IFIT1B: variants seen among roughly 807,000 people sequenced by gnomAD.
IFIT1B encodes protein IFIT1 homolog B.
IFIT1B carries 3 observed loss-of-function variants against 2.5 expected under a neutral mutation model. The observed-to-expected ratio is 1.21, with a 90% CI of 0.55 to 3.14. The LOEUF (loss-of-function observed/expected upper bound fraction) is 3.14, where lower values mean the gene tolerates loss of function less well. IFIT1B is among the 30% of genes most tolerant of loss of function. IFIT1B has a pLI of 0.03. For synonymous variants in IFIT1B, 196 were observed against 203.0 expected (o/e 0.97, Z 0.29); for missense variants, 545 against 556.5 (o/e 0.98, Z 0.21).
At chr10:89,383,272 A>T (rs1564804110) in intron 1 of IFIT1B, 47 bp from the exon 2 acceptor site, 1 of 1,508,424 alleles carries the variant, frequency 6.6e-7, no homozygotes, top group Non-Finnish European at 9.1e-7. Flanking sequence ...TTTTCAGTGG[A>T]CTGAATACTT....
At chr10:89,381,237 G>A (rs1277931456) in intron 1 of IFIT1B, among the ~76,000 whole-genome samples, 1 of 152,152 alleles carries the variant, frequency 6.6e-6, no homozygotes, top group African/African-American at 2.4e-5. Context: ...CCTGGGTAGT[G>A]TCTGTTCTCA....
intron 1 of IFIT1B, among the ~76,000 whole-genome samples, chr10:89,381,734 A>G (rs1355027181): frequency 1.3e-5 from 2 of 151,988 alleles, no homozygotes; most frequent in East Asian, 3.8e-4. Flanking sequence ...GGTGCTATTC[A>G]TTATCTTGTG....
intron 1 of IFIT1B, among the ~76,000 whole-genome samples, chr10:89,382,483 T>G (rs895118118): frequency 1.3e-5 from 2 of 152,222 alleles, no homozygotes; most frequent in African/African-American, 4.8e-5. Flanking sequence ...TCCCACTGAC[T>G]TCATATTATT....
chr10:89,384,981 A>AT lies in IFIT1B; in HGVS notation c.*244dup, dbSNP rs1268602542. ...TGAAAGTATCATCCCTCCTGATGGAATGGTAAAGCAATCTTTCTTGGAACA... is the reference window on the plus strand; with the variant it reads ...TGAAAGTATCATCCCTCCTGATGGAATTGGTAAAGCAATCTTTCTTGGAACA... On this transcript the variant is annotated 3_prime_UTR_variant, in exon 2 of 2. Coordinates refer to ENST00000371809, the MANE Select transcript of IFIT1B (RefSeq NM_001010987.2). 1 of 462,252 alleles carries AT rather than the reference A, an allele frequency of 2.2e-6. No homozygotes were observed. The highest frequency in any genetic ancestry group is 1.9e-5 in the African/African-American group (1 of 51,502). 28.6% of individuals were successfully genotyped at this position (462,252 alleles called of 1,614,324 possible).
In IFIT1B at chr10:89,384,988, A is replaced by C. The variant is rs1490737744; in HGVS notation, c.*250A>C. ...ATCATCCCTCCTGATGGAATGGTAA[A>C]GCAATCTTTCTTGGAACATAGCAAG... On this transcript the variant is annotated 3_prime_UTR_variant, in exon 2 of 2. Transcript: ENST00000371809. The C allele has an allele frequency of 8.9e-6, 4 of 449,552 alleles. No homozygotes were observed. The highest frequency in any genetic ancestry group is 1.6e-5 in the Non-Finnish European group (4 of 252,378). The allele number at this position is 449,552 out of a possible 1,614,324, so 27.8% of individuals were successfully genotyped here.
intron 1 of IFIT1B, among the ~76,000 whole-genome samples, chr10:89,382,922 G>A (rs1844173938): frequency 6.6e-6 from 1 of 152,206 alleles, no homozygotes; most frequent in African/African-American, 2.4e-5. Flanking sequence ...AGATGAGTAA[G>A]GAACCCACCT....
intron 1 of IFIT1B, among the ~76,000 whole-genome samples, chr10:89,378,828 C>G: frequency 6.6e-6 from 1 of 152,166 alleles, no homozygotes; most frequent in Non-Finnish European, 1.5e-5. Context: ...AGCAGCAATG[C>G]TCTTAAGGAA....
rs1203859939 is a variant in IFIT1B, at chr10:89,384,433, G to C, written c.1120G>C (p.Asp374His). 6.2e-7 allele frequency: 1 copy of C among 1,614,094 alleles called. No homozygotes were observed. The highest frequency in any genetic ancestry group is 1.3e-5 in the African/African-American group (1 of 74,950). ...AGGGTTACGCATGAAGATCTTTGAA[G>C]ATCAGCTAAAGCAAGAGATTCATTA... ...QKGLRMKIFE[D>H]QLKQEIHYHY... Residue 374 changes from aspartate to histidine, a missense_variant, in exon 2 of 2, where the codon GAT becomes CAT. Transcript: ENST00000371809.
At position 89,383,499 on chromosome 10, in the gene IFIT1B, A is replaced by G; in HGVS notation, c.186A>G (p.Lys62=). The stretch of plus-strand genomic sequence containing the variant: ...TACACAACCTACTAGCCTATGTGAA[A>G]CACCTGAAAGGCCAGAATGAGGAAG... The part of the protein sequence containing the change: ...VGIHNLLAYV[K]HLKGQNEEAL... Residue 62 remains lysine, a synonymous_variant, in exon 2 of 2, where the codon AAA becomes AAG. Transcript: ENST00000371809. 2 of 1,614,210 alleles carry G rather than the reference A, an allele frequency of 1.2e-6. No homozygotes were observed. The highest frequency in any genetic ancestry group is 8.5e-7 in the Non-Finnish European group (1 of 1,180,040).
chr10:89,384,446 A>G lies in IFIT1B; in HGVS notation c.1133A>G (p.Gln378Arg), dbSNP rs754796910. Residue 378 changes from glutamine to arginine, a missense_variant, in exon 2 of 2, where the codon CAA becomes CGA. Coordinates refer to ENST00000371809, the MANE Select transcript of IFIT1B (RefSeq NM_001010987.2). ...RMKIFEDQLK[Q>R]EIHYHYGRFQ... ...AAGATCTTTGAAGATCAGCTAAAGC[A>G]AGAGATTCATTACCACTACGGCCGT... 1.9e-6 allele frequency: 3 copies of G among 1,614,250 alleles called. No homozygotes were observed. The highest frequency in any genetic ancestry group is 2.5e-6 in the Non-Finnish European group (3 of 1,180,056).
chr10:89,382,654 T>C (rs963282208), intron 1 of IFIT1B, among the ~76,000 whole-genome samples: 58 of 152,228 alleles, frequency 3.8e-4, no homozygotes, highest in Non-Finnish European at 6.6e-4. Context: ...GTAATGTTCA[T>C]TCATGCCTCT....
rs778329216 is a variant in IFIT1B at position 89,384,721 on chromosome 10, C to G, written c.1408C>G (p.Leu470Val). 1.2e-6 allele frequency: 2 copies of G among 1,609,908 alleles called. No homozygotes were observed. Among genetic ancestry groups the G allele is most frequent in the Admixed American group, 1.7e-5 (1 of 58,978 alleles). Residue 470 changes from leucine to valine, a missense_variant, in exon 2 of 2, where the codon CTG (leucine) becomes GTG (valine). By Grantham distance (32) the Leu-to-Val change is conservative. Coordinates refer to ENST00000371809, the MANE Select transcript of IFIT1B (RefSeq NM_001010987.2). The part of the protein sequence containing the change: ...YERALRLAAD[L>V]NPIF ...GAGGGCTCTGAGGCTGGCTGCTGAC[C>G]TGAACCCTATATTTTAACATAGAGG...
rs767590809 is a variant in IFIT1B at position 89,383,995 on chromosome 10, C to A, written c.682C>A (p.Gln228Lys). 5 of 1,614,192 alleles carry A rather than the reference C, an allele frequency of 3.1e-6. No homozygotes were observed. The highest frequency in any genetic ancestry group is 3.3e-5 in the Admixed American group (2 of 60,026). ...YIRVLLALKL[Q>K]DEGQEAEGEK... ...TAGGGTTCTCCTTGCCCTGAAGCTT[C>A]AGGATGAAGGACAGGAAGCTGAAGG... The change falls in exon 2 of 2, where the codon CAG becomes AAG. Residue 228 changes from glutamine to lysine, a missense_variant. Transcript: ENST00000371809.
At chr10:89,381,409 C>G (rs1256468686) in intron 1 of IFIT1B, among the ~76,000 whole-genome samples, 1 of 152,184 alleles carries the variant, frequency 6.6e-6, no homozygotes, top group Non-Finnish European at 1.5e-5. Context: ...ATGTCCCACA[C>G]ACACCCCCAC....
intron 1 of IFIT1B, among the ~76,000 whole-genome samples, chr10:89,380,585 C>T (rs927458373): frequency 6.6e-6 from 1 of 152,086 alleles, no homozygotes; most frequent in African/African-American, 2.4e-5. Context: ...TGGTGTGCAT[C>T]GCCAGGCCCG....
At chr10:89,381,582 C>T (rs1469080399) in intron 1 of IFIT1B, among the ~76,000 whole-genome samples, 1 of 151,992 alleles carries the variant, frequency 6.6e-6, no homozygotes, top group Non-Finnish European at 1.5e-5. Context: ...GGATTGTGGG[C>T]AGGAATGCAC....
Position 89,384,399 on chromosome 10 carries a change from T to C in IFIT1B, c.1086T>C (p.His362=), listed in dbSNP as rs147587910. 41 of 1,614,018 alleles carry C rather than the reference T, an allele frequency of 2.5e-5. No individual in the cohort carries two copies. In the African/African-American group the frequency reaches 4.9e-4, roughly 19 times the overall value. Residue 362 remains histidine (H), a synonymous_variant, in exon 2 of 2, where the codon CAT becomes CAC. Coordinates refer to ENST00000371809, the MANE Select transcript of IFIT1B (RefSeq NM_001010987.2). ...EIGHHRKAEE[H]FQKGLRMKIF... ...GCCACCACAGAAAGGCTGAGGAACA[T>C]TTTCAGAAAGGGTTACGCATGAAGA...
Position 89,384,629 on chromosome 10 carries a change from G to A in IFIT1B, c.1316G>A (p.Ser439Asn), listed in dbSNP as rs772211454. ...CACCAGAATGTACGGGTTGTGGAAAGTGTCAGCCTCCTTGGGCTTATCCAC... is the reference window on the plus strand; with the variant it reads ...CACCAGAATGTACGGGTTGTGGAAAATGTCAGCCTCCTTGGGCTTATCCAC... ...CIHQNVRVVE[S>N]VSLLGLIHKL... The change falls in exon 2 of 2, where the codon AGT becomes AAT. Residue 439 changes from serine (S) to asparagine (N), a missense_variant. Ser to Asn is a conservative substitution (Grantham distance 46). Transcript: ENST00000371809. 2 of 1,614,098 alleles carry A rather than the reference G, an allele frequency of 1.2e-6. No homozygotes were observed. Among genetic ancestry groups the A allele is most frequent in the African/African-American group, 1.3e-5 (1 of 74,936 alleles).
chr10:89,384,367 G>A lies in IFIT1B; in HGVS notation c.1054G>A (p.Glu352Lys). 2.5e-6 allele frequency: 4 copies of A among 1,614,146 alleles called. No individual in the cohort carries two copies. The East Asian group carries it at 6.7e-5, about 27-fold the overall frequency. ...TGTTGACCTGGCTGAAACGTATGCAGAAATAGGCCACCACAGAAAGGCTGA... is the reference window on the plus strand; with the variant it reads ...TGTTGACCTGGCTGAAACGTATGCAAAAATAGGCCACCACAGAAAGGCTGA... ...AYVDLAETYAEIGHHRKAEEH... is the reference protein window; with the variant it reads ...AYVDLAETYAKIGHHRKAEEH... The change falls in exon 2 of 2, where the codon GAA becomes AAA. Residue 352 changes from glutamate (E) to lysine (K), a missense_variant. Glu to Lys is a moderately conservative substitution (Grantham distance 56). Coordinates refer to ENST00000371809, the MANE Select transcript of IFIT1B (RefSeq NM_001010987.2).
Sources: allele counts gnomAD v4.1 joint callset (sites outside exome capture counted in the v4.1 genomes callset), GRCh38; gene constraint gnomAD v4.1.1; transcripts MANE v1.5; gene names NCBI Gene and HGNC (gene_info 2026-07-23, HGNC 2026-07-21).